Variants in CPPED1 observed in about 807,000 individuals in gnomAD.
The protein encoded by CPPED1 is calcineurin like phosphoesterase domain containing 1.
CPPED1 carries 28 observed loss-of-function variants against 28.0 expected under a neutral mutation model. That is an observed-to-expected ratio of 1.00 (90% CI 0.74 to 1.37). The LOEUF is 1.37. CPPED1 is among the 40% of genes most tolerant of loss of function. CPPED1 has a pLI of 0.00. For missense variants in CPPED1, 504 were observed against 416.5 expected, an observed-to-expected ratio of 1.21 and a Z score of -1.83; for synonymous variants, 198 against 180.2, an observed-to-expected ratio of 1.10 and a Z score of -0.79.
chr16:12,697,813 A>G (rs1052726779), intron 3 of CPPED1, among the ~76,000 whole-genome samples: 1 of 152,144 alleles, frequency 6.6e-6, no homozygotes, highest in African/African-American at 2.4e-5. Flanking sequence ...CATTTCCCAT[A>G]CAAAAGTCAG....
intron 2 of CPPED1, among the ~76,000 whole-genome samples, chr16:12,746,170 T>C (rs553660496): frequency 7.3e-5 from 11 of 151,416 alleles, no homozygotes; most frequent in Non-Finnish European, 1.3e-4. Context: ...AAGTCAGGAG[T>C]TCGAGACCAG....
chr16:12,801,595 GC>G (rs1567310377), intron 1 of CPPED1, among the ~76,000 whole-genome samples: 1 of 152,026 alleles, frequency 6.6e-6, no homozygotes, highest in Non-Finnish European at 1.5e-5. Flanking sequence ...CCAGAACATA[GC>G]TTGTAGGTAT....
chr16:12,692,749 C>T (rs564103972), intron 3 of CPPED1, among the ~76,000 whole-genome samples: 22 of 152,206 alleles, frequency 1.4e-4, no homozygotes, highest in African/African-American at 3.6e-4. Flanking sequence ...CTGCACTTTT[C>T]GGGAGAGAAA....
chr16:12,694,408 A>C (rs1001956622), intron 3 of CPPED1, among the ~76,000 whole-genome samples: 28 of 152,134 alleles, frequency 1.8e-4, no homozygotes, highest in Non-Finnish European at 5.9e-5. Context: ...TCAATTTATA[A>C]ATATTTACCA....
intron 3 of CPPED1, among the ~76,000 whole-genome samples, chr16:12,686,317 C>T (rs1316643685): frequency 6.6e-6 from 1 of 151,886 alleles, no homozygotes; most frequent in South Asian, 2.1e-4. Context: ...GATCTTCCTC[C>T]CTCAGCTTCC....
intron 2 of CPPED1, among the ~76,000 whole-genome samples, chr16:12,742,716 A>G (rs1481130492): frequency 6.6e-6 from 1 of 152,144 alleles, no homozygotes; most frequent in Non-Finnish European, 1.5e-5. Flanking sequence ...CTTCTCAGTT[A>G]TTTTATTATC....
At chr16:12,730,295 C>T (rs1365739717) in intron 2 of CPPED1, among the ~76,000 whole-genome samples, 1 of 152,144 alleles carries the variant, frequency 6.6e-6, no homozygotes, top group Non-Finnish European at 1.5e-5. Context: ...AGCCACTGTG[C>T]CAAGCTGCAG....
chr16:12,697,635 C>T (rs563500713), intron 3 of CPPED1, among the ~76,000 whole-genome samples: 121 of 152,296 alleles, frequency 7.9e-4, no homozygotes, highest in Middle Eastern at 3.4e-3. Context: ...AGGCCTACCA[C>T]CTGTTTCTGG....
At chr16:12,680,740 C>G (rs978952449) in intron 3 of CPPED1, among the ~76,000 whole-genome samples, 4 of 152,280 alleles carry the variant, frequency 2.6e-5, no homozygotes, top group African/African-American at 9.6e-5. Context: ...CCTGTGAGAC[C>G]TGGGGTGGGC....
intron 2 of CPPED1, among the ~76,000 whole-genome samples, chr16:12,764,557 C>A (rs1436846349): frequency 2.0e-5 from 3 of 152,042 alleles, no homozygotes; most frequent in Non-Finnish European, 4.4e-5. Flanking sequence ...CCAGGCTGGT[C>A]TCAAACTCCT....
intron 2 of CPPED1, among the ~76,000 whole-genome samples, chr16:12,754,564 G>A (rs2080352399): frequency 6.6e-6 from 1 of 152,222 alleles, no homozygotes; most frequent in African/African-American, 2.4e-5. Flanking sequence ...CCAGTGCAGA[G>A]TCCCTCTAAG....
chr16:12,727,977 G>A (rs768014923), intron 2 of CPPED1, among the ~76,000 whole-genome samples: 5 of 152,182 alleles, frequency 3.3e-5, no homozygotes, highest in Non-Finnish European at 7.3e-5. Context: ...CTGATGGTGA[G>A]ATCTCAGGCT....
intron 2 of CPPED1, among the ~76,000 whole-genome samples, chr16:12,731,722 T>A (rs974297585): frequency 9.9e-5 from 15 of 151,410 alleles, no homozygotes; most frequent in African/African-American, 3.4e-4. Flanking sequence ...CTCTTTTTCA[T>A]TCTTTTTTTT....
At chr16:12,778,815 A>T (rs557623852) in intron 2 of CPPED1, among the ~76,000 whole-genome samples, 172 of 152,326 alleles carry the variant, frequency 1.1e-3, no homozygotes, top group African/African-American at 3.8e-3. Context: ...AAACAGTTAC[A>T]TTCCTTTCAC....
At chr16:12,666,427 G>A (rs763423845) in intron 3 of CPPED1, among the ~76,000 whole-genome samples, 2 of 152,238 alleles carry the variant, frequency 1.3e-5, no homozygotes, top group Non-Finnish European at 2.9e-5. Context: ...AAGAAGGGCT[G>A]TTGTGGGTGC....
chr16:12,772,076 T>C (rs2141233290), intron 2 of CPPED1, among the ~76,000 whole-genome samples: 1 of 152,114 alleles, frequency 6.6e-6, no homozygotes, highest in East Asian at 1.9e-4. Flanking sequence ...TGAGCTGAGA[T>C]CGTACCGCTG....
intron 2 of CPPED1, among the ~76,000 whole-genome samples, chr16:12,742,626 GA>G (rs34239363): frequency 6.6e-6 from 1 of 151,842 alleles, no homozygotes; most frequent in Non-Finnish European, 1.5e-5. Context: ...ACCCTGCACT[GA>G]AAAATCAGGG....
chr16:12,783,717 A>C (rs1233992962), intron 1 of CPPED1, among the ~76,000 whole-genome samples: 1 of 151,910 alleles, frequency 6.6e-6, no homozygotes, highest in Non-Finnish European at 1.5e-5. Flanking sequence ...CCTTTTTCAG[A>C]GTTAAAGAAA....
intron 2 of CPPED1, among the ~76,000 whole-genome samples, chr16:12,732,647 GT>G (rs1206735888): frequency 6.6e-6 from 1 of 152,100 alleles, no homozygotes; most frequent in East Asian, 1.9e-4. Flanking sequence ...GATCCTATGT[GT>G]TTCTGGTTTC....
Sources: gnomAD v4.1 joint callset for allele counts (sites outside exome capture counted in the v4.1 genomes callset) on GRCh38, gnomAD v4.1.1 for gene constraint, MANE v1.5 for transcripts, NCBI Gene and HGNC (gene_info 2026-07-23, HGNC 2026-07-21) for gene names.